The following WWOX variants were observed in gnomAD, a reference collection of about 807,000 sequenced individuals.
WWOX encodes WW domain containing oxidoreductase, also known as WW domain-containing oxidoreductase.
A neutral mutation model predicts 46.2 loss-of-function variants in WWOX; 69 were observed. That is an observed-to-expected ratio of 1.49 (90% CI 1.23 to 1.82). The LOEUF is 1.82. WWOX is among the 40% of genes most tolerant of loss of function. The pLI is 0.00. For missense variants in WWOX, 919 were observed against 542.6 expected (o/e 1.69, Z -6.89); for synonymous variants, 359 against 202.6 (o/e 1.77, Z -6.56).
At chr16:78,449,878 A>T (rs1313609405) in intron 8 of WWOX, among the ~76,000 whole-genome samples, 2 of 151,552 alleles carry the variant, frequency 1.3e-5, no homozygotes, top group Non-Finnish European at 2.9e-5. Flanking sequence ...AGTTACAAAA[A>T]CTAGCCAGAA....
intron 8 of WWOX, among the ~76,000 whole-genome samples, chr16:78,757,668 ATATT>A (rs1356954266): frequency 2.0e-5 from 3 of 151,824 alleles, no homozygotes; most frequent in Admixed American, 6.6e-5. Flanking sequence ...TAAATACATT[ATATT>A]TATTCACATA....
intron 8 of WWOX, among the ~76,000 whole-genome samples, chr16:79,052,895 G>A (rs1440094151): frequency 7.1e-6 from 1 of 141,804 alleles, no homozygotes; most frequent in Non-Finnish European, 1.5e-5. Context: ...TAATATGTCT[G>A]CAATCGATCT....
chr16:78,913,245 G>T (rs906931769), intron 8 of WWOX, among the ~76,000 whole-genome samples: 5 of 151,966 alleles, frequency 3.3e-5, no homozygotes, highest in Non-Finnish European at 7.4e-5. Context: ...TTTGCCTAGT[G>T]CTTCACATAA....
chr16:78,291,123 T>C (rs1308339884), intron 5 of WWOX, among the ~76,000 whole-genome samples: 1 of 152,238 alleles, frequency 6.6e-6, no homozygotes, highest in East Asian at 1.9e-4. Flanking sequence ...AGTAGTGTCA[T>C]GGAACTCACT....
intron 8 of WWOX, among the ~76,000 whole-genome samples, chr16:78,659,828 C>A (rs2047171597): frequency 6.6e-6 from 1 of 152,144 alleles, no homozygotes; most frequent in South Asian, 2.1e-4. Flanking sequence ...CTTACTTAAA[C>A]ACACAGCATG....
At chr16:78,530,251 TAA>T (rs2043589771) in intron 8 of WWOX, among the ~76,000 whole-genome samples, 1 of 152,136 alleles carries the variant, frequency 6.6e-6, no homozygotes, top group Admixed American at 6.5e-5. Context: ...ACGGACGGCT[TAA>T]GTGTTAACAG....
chr16:78,636,001 C>G (rs944399176), intron 8 of WWOX, among the ~76,000 whole-genome samples: 1 of 152,180 alleles, frequency 6.6e-6, no homozygotes, highest in Admixed American at 6.5e-5. Context: ...CGTAACTCAT[C>G]CTGCCAACAC....
intron 8 of WWOX, among the ~76,000 whole-genome samples, chr16:78,528,108 C>G (rs959441535): frequency 4.8e-5 from 7 of 144,668 alleles, no homozygotes; most frequent in South Asian, 4.5e-4. Flanking sequence ...GTGCCATTCT[C>G]CTGCCTCAGC....
chr16:78,450,093 C>T (rs1206408190), intron 8 of WWOX, among the ~76,000 whole-genome samples: 1 of 151,900 alleles, frequency 6.6e-6, no homozygotes, highest in Non-Finnish European at 1.5e-5. Flanking sequence ...ATTTTGAATA[C>T]TAAAGTATAG....
chr16:78,825,760 C>T, intron 8 of WWOX: 2 of 596,154 alleles, frequency 3.4e-6, no homozygotes, highest in Non-Finnish European at 6.3e-6. Flanking sequence ...CCAGCGGAGA[C>T]CATGTTAACT....
intron 8 of WWOX, among the ~76,000 whole-genome samples, chr16:78,741,028 G>T (rs1332633976): frequency 6.6e-6 from 1 of 152,134 alleles, no homozygotes; most frequent in Non-Finnish European, 1.5e-5. Context: ...ATGATCCACT[G>T]GGGCAGTGGC....
intron 5 of WWOX, among the ~76,000 whole-genome samples, chr16:78,375,784 A>G (rs184144131): frequency 6.6e-6 from 1 of 152,328 alleles, no homozygotes; most frequent in African/African-American, 2.4e-5. Context: ...CCAACAAAAC[A>G]AAACAAAACA....
chr16:78,366,352 C>G (rs2081536748), intron 5 of WWOX, among the ~76,000 whole-genome samples: 1 of 152,224 alleles, frequency 6.6e-6, no homozygotes, highest in Non-Finnish European at 1.5e-5. Flanking sequence ...ACATCCTTAA[C>G]TCTTCACGTT....
chr16:79,180,769 CCATT>C lies in WWOX; in HGVS notation c.1057-30835_1057-30832del, dbSNP rs1000250679. Among the ~76,000 whole-genome samples the C allele has an allele frequency of 1.1e-4, 16 of 152,206 alleles. No individual in the cohort carries two copies. In the East Asian group the frequency reaches 2.1e-3, roughly 20 times the overall value. On this transcript the variant is annotated intron_variant, in intron 8 of 8. Coordinates refer to ENST00000566780, the MANE Select transcript of WWOX (RefSeq NM_016373.4). ...TCTATTCATCTATCCATCCATCCAT[CCATT>C]CATCAATCCATTTATCCACTCTGAA...
In WWOX at chr16:78,177,271, A is replaced by G. The variant is rs1032332472; in HGVS notation, c.516+12982A>G. On this transcript the variant is annotated intron_variant, in intron 5 of 8. Coordinates refer to ENST00000566780, the MANE Select transcript of WWOX (RefSeq NM_016373.4). ...CTATTTTAAAAATTGGCTGAAATTT[A>G]AAAATTTTGGGCAATTTTAATTTAT... Among the ~76,000 whole-genome samples, 7 of 152,366 alleles carry G rather than the reference A, an allele frequency of 4.6e-5. No homozygotes were observed. In the South Asian group the frequency reaches 1.0e-3, roughly 23 times the overall value.
At chr16:79,132,164 A>C (rs886302960) in intron 8 of WWOX, among the ~76,000 whole-genome samples, 4 of 143,036 alleles carry the variant, frequency 2.8e-5, no homozygotes, top group Admixed American at 1.4e-4. Flanking sequence ...ACACACACAC[A>C]CACCCCTTCC....
chr16:79,203,586 A>G (rs1221622976), intron 8 of WWOX: 4 of 151,860 alleles, frequency 2.6e-5, no homozygotes, highest in Non-Finnish European at 5.9e-5. Context: ...CAACCTTAAA[A>G]TCTAAACAAA....
intron 4 of WWOX, among the ~76,000 whole-genome samples, chr16:78,147,683 T>TG (rs71384364): frequency 2.8e-4 from 31 of 109,710 alleles, no homozygotes; most frequent in Non-Finnish European, 5.1e-4. Flanking sequence ...TCCTTTTTTT[T>TG]TTTTTTTTTT....
chr16:78,447,266 G>A (rs1382586904), intron 8 of WWOX, among the ~76,000 whole-genome samples: 2 of 152,100 alleles, frequency 1.3e-5, no homozygotes, highest in African/African-American at 2.4e-5. Context: ...TTACTCCTGT[G>A]CCAGTAACAA....
Sources: allele counts gnomAD v4.1 joint callset (sites outside exome capture counted in the v4.1 genomes callset), GRCh38; gene constraint gnomAD v4.1.1; transcripts MANE v1.5; gene names NCBI Gene and HGNC (gene_info 2026-07-23, HGNC 2026-07-21).